The following SAMD14 variants were observed in gnomAD, a reference collection of about 807,000 sequenced individuals.
The protein encoded by SAMD14 is sterile alpha motif domain containing 14.
In SAMD14, 27 loss-of-function variants were observed where a neutral mutation model predicts 46.2. The observed-to-expected ratio is 0.58, with a 90% CI of 0.43 to 0.81. The LOEUF (loss-of-function observed/expected upper bound fraction) is 0.81. SAMD14 is among the 30% of genes least tolerant of loss of function. SAMD14 has a pLI of 0.00. For missense variants in SAMD14, 559 were observed against 582.2 expected (o/e 0.96, Z 0.41); for synonymous variants, 241 against 254.3 (o/e 0.95, Z 0.50).
chr17:50,119,917 T>C (rs1380290079), intron 2 of SAMD14, among the ~76,000 whole-genome samples: 2 of 152,138 alleles, frequency 1.3e-5, no homozygotes. Flanking sequence ...ATTCTTCTAG[T>C]TGCTCAGCTG....
Position 50,117,699 on chromosome 17 carries a change from G to A in SAMD14, c.211-4C>T. ...GGCTCCCGCAGCCATCGGTCACCTG[G>A]ACGAGGGGGCAGCCGCTCACCGAGA... On this transcript the variant is annotated splice_region_variant and splice_polypyrimidine_tract_variant and intron_variant, in intron 3 of 9. Transcript: ENST00000330175. The A allele has an allele frequency of 6.9e-7, 1 of 1,439,652 alleles. No homozygotes were observed. Among genetic ancestry groups the A allele is most frequent in the South Asian group, 1.5e-5 (1 of 68,250 alleles). 89.2% of individuals were successfully genotyped at this position (1,439,652 alleles called of 1,614,324 possible).
At chr17:50,124,556 C>T (rs1381709310) in intron 2 of SAMD14, among the ~76,000 whole-genome samples, 6 of 152,078 alleles carry the variant, frequency 3.9e-5, no homozygotes, top group Admixed American at 2.6e-4. Context: ...TCACTTCAGC[C>T]CTCTGTACCC....
intron 2 of SAMD14, 123 bp downstream of exon 2, chr17:50,124,794 C>G: frequency 1.1e-6 from 1 of 942,188 alleles, no homozygotes; most frequent in African/African-American, 1.6e-5. Flanking sequence ...CACACACACA[C>G]ACACACACAC....
At position 50,115,610 on chromosome 17, in the gene SAMD14, C is replaced by A; in HGVS notation, c.776G>T (p.Cys259Phe). The A allele has an allele frequency of 6.3e-7, 1 of 1,594,928 alleles. No homozygotes were observed. The change falls in exon 7 of 10, where the codon TGC (cysteine) becomes TTC (phenylalanine). Residue 259 changes from cysteine to phenylalanine, a missense_variant. Physicochemically the swap from Cys to Phe is radical, Grantham distance 205. Coordinates refer to ENST00000330175, the MANE Select transcript of SAMD14 (RefSeq NM_001257359.2). The surrounding 1 kb of genome is among the most constrained non-coding windows in gnomAD (Gnocchi z 5.3). ...ASSGSTTSPT[C>F]SPKHEGFSPK... is the part of the protein sequence containing the mutation. ...GCTGAAGCCCTCGTGTTTAGGGGAG[C>A]AGGTGGGGGAGGTGGTGCTACCCGA...
chr17:50,125,108 G>C, intron 1 of SAMD14, 137 bp from the exon 2 acceptor site: 3 of 734,216 alleles, frequency 4.1e-6, no homozygotes, highest in Non-Finnish European at 6.9e-6. Context: ...CCCTTCTTCT[G>C]TCCCCTGGAA....
At chr17:50,126,040 C>G (rs1021025066) in intron 1 of SAMD14, among the ~76,000 whole-genome samples, 1 of 152,144 alleles carries the variant, frequency 6.6e-6, no homozygotes, top group Non-Finnish European at 1.5e-5. Context: ...AGGGAGCCCA[C>G]TGGCCAGGGG....
intron 1 of SAMD14, among the ~76,000 whole-genome samples, chr17:50,126,286 A>G (rs1015305811): frequency 3.4e-5 from 5 of 146,690 alleles, no homozygotes; most frequent in Non-Finnish European, 5.9e-5. Flanking sequence ...ATCTACCTTT[A>G]CTGTGGCCAG....
chr17:50,118,397 A>C, intron 2 of SAMD14, 70 bp from the exon 3 acceptor site: 8 of 1,553,608 alleles, frequency 5.1e-6, no homozygotes, highest in Non-Finnish European at 7.0e-6. Flanking sequence ...GGCCCACCTC[A>C]GGGGCCACCT....
Position 50,117,636 on chromosome 17 carries a change from C to G in SAMD14, c.270G>C (p.Pro90=). ...HRLRSPLHSG[P]GSPAGGSFCL... ...AGAAAGAGCCCCCGGCCGGGGACCC[C>G]GGGCCTGAGTGCAAAGGCGAGCGCA... The change falls in exon 4 of 10, where the codon CCG becomes CCC. Residue 90 remains proline (P), a synonymous_variant. Coordinates refer to ENST00000330175, the MANE Select transcript of SAMD14 (RefSeq NM_001257359.2). The G allele has an allele frequency of 1.3e-6, 2 of 1,560,756 alleles. No homozygotes were observed. Among genetic ancestry groups the G allele is most frequent in the South Asian group, 1.2e-5 (1 of 85,598 alleles).
intron 1 of SAMD14, among the ~76,000 whole-genome samples, chr17:50,127,904 C>T (rs1911852029): frequency 6.6e-6 from 1 of 152,216 alleles, no homozygotes; most frequent in Non-Finnish European, 1.5e-5. Flanking sequence ...AGCCCTCCCT[C>T]CTCTCATTTG....
At position 50,118,283 on chromosome 17, in the gene SAMD14, A is replaced by C. The variant is rs1305800065; in HGVS notation, c.88T>G (p.Leu30Val). ...AACAGTTGGGCCCGGGCCTTGTGTAAACTGCTGTCCAGTCTGGCCGTCTCT... is the reference window on the plus strand; with the variant it reads ...AACAGTTGGGCCCGGGCCTTGTGTACACTGCTGTCCAGTCTGGCCGTCTCT... ...VPETARLDSS[L>V]HKARAQLLAK... Residue 30 changes from leucine to valine, a missense_variant, in exon 3 of 10, where the codon TTA (leucine) becomes GTA (valine). Coordinates refer to ENST00000330175, the MANE Select transcript of SAMD14 (RefSeq NM_001257359.2). The C allele has an allele frequency of 9.3e-6, 15 of 1,613,820 alleles. No individual in the cohort carries two copies. In the African/African-American group the frequency reaches 2.0e-4, roughly 22 times the overall value.
intron 7 of SAMD14, chr17:50,114,798 G>C: frequency 5.5e-6 from 1 of 183,454 alleles, no homozygotes; most frequent in Non-Finnish European, 1.1e-5. Flanking sequence ...AAAGAAGGAA[G>C]TTCCAGGTCC....
intron 1 of SAMD14, among the ~76,000 whole-genome samples, chr17:50,125,563 TATCCACCCATCC>T (rs1911728150): frequency 6.6e-6 from 1 of 152,130 alleles, no homozygotes; most frequent in Non-Finnish European, 1.5e-5. Context: ...CTCACCCATC[TATCCACCCATCC>T]GTCCATCCCA....
At chr17:50,117,373 A>C (rs948317490) in intron 4 of SAMD14, 34 bp downstream of exon 4, 2 of 1,280,136 alleles carry the variant, frequency 1.6e-6, no homozygotes, top group East Asian at 6.3e-5. Context: ...CCCGGGAGCG[A>C]CCAGCAGGAG....
At position 50,115,597 on chromosome 17, in the gene SAMD14, G is replaced by A. The variant is rs536060003; in HGVS notation, c.789C>T (p.His263=). The A allele has an allele frequency of 9.5e-6, 15 of 1,578,932 alleles. No homozygotes were observed. In the East Asian group the frequency reaches 1.1e-4, roughly 12 times the overall value. ...STTSPTCSPK[H]EGFSPKKSAS... ...CTGACTTCTTAGGGCTGAAGCCCTC[G>A]TGTTTAGGGGAGCAGGTGGGGGAGG... Residue 263 remains histidine, a synonymous_variant, in exon 7 of 10, where the codon CAC becomes CAT. Transcript: ENST00000330175. This position sits in a 1 kb window ranked among gnomAD's most constrained non-coding sequence, Gnocchi z 5.3.
intron 2 of SAMD14, 40 bp from the exon 3 acceptor site, chr17:50,118,367 G>C: frequency 6.2e-7 from 1 of 1,602,154 alleles, no homozygotes; most frequent in Non-Finnish European, 8.5e-7. Context: ...AGACACATGA[G>C]AGGTGACGGC....
intron 2 of SAMD14, among the ~76,000 whole-genome samples, chr17:50,124,659 A>G (rs572417180): frequency 6.6e-6 from 1 of 152,282 alleles, no homozygotes; most frequent in Non-Finnish European, 1.5e-5. Context: ...AGTATCTGGC[A>G]TAAGAGAAGC....
At chr17:50,117,385 T>C in intron 4 of SAMD14, 22 bp downstream of exon 4, 1 of 1,286,146 alleles carries the variant, frequency 7.8e-7, no homozygotes, top group Non-Finnish European at 9.8e-7. Context: ...CAGCAGGAGG[T>C]GCGGCGCTGG....
At chr17:50,128,282 C>T (rs1911867952) in intron 1 of SAMD14, among the ~76,000 whole-genome samples, 1 of 152,128 alleles carries the variant, frequency 6.6e-6, no homozygotes, top group African/African-American at 2.4e-5. Context: ...CTCGGTCCAT[C>T]CTGATTCAGC....
Sources: allele counts gnomAD v4.1 joint callset (sites outside exome capture counted in the v4.1 genomes callset), GRCh38; gene constraint gnomAD v4.1.1; non-coding constraint Gnocchi (gnomAD v3.1); transcripts MANE v1.5; gene names NCBI Gene and HGNC (gene_info 2026-07-23, HGNC 2026-07-21).